The following PTPRJ variants were observed in gnomAD, a reference collection of about 807,000 sequenced individuals.
PTPRJ encodes the protein receptor-type tyrosine-protein phosphatase eta.
A neutral mutation model predicts 141.3 loss-of-function variants in PTPRJ; 129 were observed. The ratio of observed to expected loss-of-function variants is 0.91; its 90% CI spans 0.79 to 1.06. The LOEUF is 1.06. PTPRJ is among the 50% of genes least tolerant of loss of function. The pLI is 0.00. For missense variants in PTPRJ, 1,601 were observed against 1,679.7 expected (o/e 0.95, Z 0.82); for synonymous variants, 610 against 640.5 (o/e 0.95, Z 0.72).
Position 48,112,889 on chromosome 11 carries a change from TG to T in PTPRJ, c.260del (p.Gly87ValfsTer10). The T allele has an allele frequency of 6.2e-7, 1 of 1,614,138 alleles. No homozygotes were observed. Among genetic ancestry groups the T allele is most frequent in the Non-Finnish European group, 8.5e-7 (1 of 1,180,016 alleles). ...PQVETNTSED[G>X]ESSGANDSLR... ...AGGTGGAAACAAACACCAGTGAGGA[TG>T]GTGAAAGCTCTGGAGCCAACGATAG... On this transcript the variant is annotated frameshift_variant, in exon 3 of 25. Transcript: ENST00000418331. LOFTEE classifies it high-confidence loss of function.
intron 1 of PTPRJ, among the ~76,000 whole-genome samples, chr11:48,097,569 A>C (rs1856042541): frequency 6.6e-6 from 1 of 150,832 alleles, no homozygotes; most frequent in South Asian, 2.1e-4. Context: ...ATGGAGTCTC[A>C]CTTTGTTGCA....
At chr11:48,063,324 T>C (rs1165758468) in intron 1 of PTPRJ, among the ~76,000 whole-genome samples, 1 of 152,090 alleles carries the variant, frequency 6.6e-6, no homozygotes, top group African/African-American at 2.4e-5. Context: ...CAAGACTCCA[T>C]CTCAAAAACA....
chr11:48,168,570 A>C lies in PTPRJ; in HGVS notation c.*1208A>C. On this transcript the variant is annotated 3_prime_UTR_variant, in exon 25 of 25. Transcript: ENST00000418331. ...TATATATATATATATATATATATAT[A>C]TATATATATATACACTAAGCTCTCA... The C allele has an allele frequency of 7.8e-6, 1 of 128,900 alleles. No individual in the cohort carries two copies. The highest frequency in any genetic ancestry group is 2.9e-5 in the African/African-American group (1 of 34,380). The allele number at this position is 128,900 out of a possible 1,614,324, so 8.0% of individuals were successfully genotyped here. A position where few individuals can be genotyped will look rare whatever the true frequency, so the allele number is the denominator to read the frequency against.
At chr11:47,989,170 A>G (rs1590384649) in intron 1 of PTPRJ, among the ~76,000 whole-genome samples, 1 of 151,480 alleles carries the variant, frequency 6.6e-6, no homozygotes, top group African/African-American at 2.4e-5. Flanking sequence ...GGTGTGAGCC[A>G]CCGCGCCTGG....
At position 48,112,852 on chromosome 11, in the gene PTPRJ, C is replaced by T. The variant is rs1856475496; in HGVS notation, c.221C>T (p.Thr74Ile). ...TAESFHKQNG[T>I]GTPQVETNTS... ...GAATCCTTTCATAAACAGAATGGAACTGGAACACCTCAGGTGGAAACAAAC... is the reference window on the plus strand; with the variant it reads ...GAATCCTTTCATAAACAGAATGGAATTGGAACACCTCAGGTGGAAACAAAC... Residue 74 changes from threonine (T) to isoleucine (I), a missense_variant, in exon 3 of 25, where the codon ACT becomes ATT. By Grantham distance (89) the Thr-to-Ile change is moderately conservative. Coordinates refer to ENST00000418331, the MANE Select transcript of PTPRJ (RefSeq NM_002843.4). 6.2e-7 allele frequency: 1 copy of T among 1,614,042 alleles called. No homozygotes were observed. Among genetic ancestry groups the T allele is most frequent in the African/African-American group, 1.3e-5 (1 of 74,912 alleles).
chr11:48,084,739 C>A (rs191063674), intron 1 of PTPRJ, among the ~76,000 whole-genome samples: 2 of 152,224 alleles, frequency 1.3e-5, no homozygotes, highest in Admixed American at 1.3e-4. Flanking sequence ...CGTAGTGTGA[C>A]CTCTAGTCAG....
At chr11:48,095,199 G>A (rs1000495281) in intron 1 of PTPRJ, among the ~76,000 whole-genome samples, 1 of 152,184 alleles carries the variant, frequency 6.6e-6, no homozygotes, top group Non-Finnish European at 1.5e-5. Flanking sequence ...TGTTGTCTCA[G>A]CAGCGTGCCC....
intron 1 of PTPRJ, among the ~76,000 whole-genome samples, chr11:47,999,699 C>G (rs530564484): frequency 5.3e-5 from 8 of 152,220 alleles, no homozygotes; most frequent in African/African-American, 9.6e-5. Flanking sequence ...TTGAGAACCA[C>G]TGAGACCAAA....
Position 48,158,026 on chromosome 11 carries a change from C to A in PTPRJ, c.3439-1904C>A, listed in dbSNP as rs1857655310. 6.6e-6 allele frequency among the ~76,000 whole-genome samples: 1 copy of A among 152,140 alleles called. No individual in the cohort carries two copies. Among genetic ancestry groups the A allele is most frequent in the African/African-American group, 2.4e-5 (1 of 41,438 alleles). On this transcript the variant is annotated intron_variant, in intron 21 of 24. Transcript: ENST00000418331. This position sits in a 1 kb window ranked among gnomAD's most constrained non-coding sequence, Gnocchi z 4.4. ...AATTAGCCAGGCGTGGTGGTGCATG[C>A]CTGTAATCCCAGCTACTTGGGAGGC...
chr11:48,152,221 G>A (rs1379528181), intron 18 of PTPRJ, among the ~76,000 whole-genome samples: 6 of 152,098 alleles, frequency 3.9e-5, no homozygotes, highest in Non-Finnish European at 5.9e-5. Flanking sequence ...TTTTTCATGT[G>A]TCTTTTGGCT....
chr11:48,141,880 T>A (rs965489130), intron 11 of PTPRJ, among the ~76,000 whole-genome samples: 1 of 152,218 alleles, frequency 6.6e-6, no homozygotes, highest in African/African-American at 2.4e-5. Context: ...GCTGTGCTTT[T>A]TGTGTGGTAT....
chr11:48,051,329 A>C (rs1409605382), intron 1 of PTPRJ, among the ~76,000 whole-genome samples: 1 of 152,104 alleles, frequency 6.6e-6, no homozygotes, highest in East Asian at 1.9e-4. Flanking sequence ...TCCTGGGCCC[A>C]AGTGATCTGC....
At chr11:48,071,395 C>T (rs1855245886) in intron 1 of PTPRJ, among the ~76,000 whole-genome samples, 1 of 151,898 alleles carries the variant, frequency 6.6e-6, no homozygotes, top group Non-Finnish European at 1.5e-5. Flanking sequence ...TGGCTCACTG[C>T]ACCCTCCGCC....
intron 1 of PTPRJ, among the ~76,000 whole-genome samples, chr11:48,095,678 C>T (rs1044784718): frequency 6.6e-6 from 1 of 150,812 alleles, no homozygotes; most frequent in Non-Finnish European, 1.5e-5. Flanking sequence ...CTCCCAGGTT[C>T]AAGTGATTTC....
intron 16 of PTPRJ, chr11:48,149,726 T>TA (rs1308544726): frequency 7.4e-6 from 4 of 538,512 alleles, no homozygotes; most frequent in East Asian, 3.2e-5. Flanking sequence ...ATTTCTTGAT[T>TA]AAAAAAACGT....
rs550663320 is a variant in PTPRJ at position 48,022,801 on chromosome 11, C to T, written c.96+41793C>T. 9.9e-5 allele frequency among the ~76,000 whole-genome samples: 15 copies of T among 152,128 alleles called. No individual in the cohort carries two copies. In the South Asian group the frequency reaches 2.1e-3, roughly 21 times the overall value. ...TTGTGGGAAGAAAGGGTTCTCTTGC[C>T]GGTGTGTGTGTTTCTGATAAACAAA... On this transcript the variant is annotated intron_variant, in intron 1 of 24. Coordinates refer to ENST00000418331, the MANE Select transcript of PTPRJ (RefSeq NM_002843.4).
At chr11:48,000,982 A>ATTTTT (rs1002159076) in intron 1 of PTPRJ, among the ~76,000 whole-genome samples, 4 of 122,864 alleles carry the variant, frequency 3.3e-5, no homozygotes, top group South Asian at 2.6e-4. Flanking sequence ...GTCCCATATA[A>ATTTTT]TTTTTTTTTT....
In PTPRJ at chr11:48,132,815, C is replaced by T. The variant is rs556817862; in HGVS notation, c.1615+2099C>T. On this transcript the variant is annotated intron_variant, in intron 8 of 24. Coordinates refer to ENST00000418331, the MANE Select transcript of PTPRJ (RefSeq NM_002843.4). Reference sequence around the variant, plus strand: ...CAACTGTGCTGGTTGGGTTAAGCACCGATAGTCACTCAGAGGATCTGCTTC... The same window carrying T: ...CAACTGTGCTGGTTGGGTTAAGCACTGATAGTCACTCAGAGGATCTGCTTC... 132 of 724,962 alleles carry T rather than the reference C, an allele frequency of 1.8e-4. 2 individuals carry two copies. In the South Asian group the frequency reaches 7.0e-3, roughly 38 times the overall value. The allele number at this position is 724,962 out of a possible 1,614,324, so 44.9% of individuals were successfully genotyped here.
intron 1 of PTPRJ, among the ~76,000 whole-genome samples, chr11:47,996,334 CAAA>C (rs1292092161): frequency 2.7e-4 from 15 of 56,202 alleles, no homozygotes; most frequent in Non-Finnish European, 4.7e-4. Context: ...GACTCTGTCT[CAAA>C]AAAAAAAAAA....
Sources: gnomAD v4.1 joint callset for allele counts (sites outside exome capture counted in the v4.1 genomes callset) on GRCh38, gnomAD v4.1.1 for gene constraint, Gnocchi (gnomAD v3.1) non-coding constraint, MANE v1.5 for transcripts, NCBI Gene and HGNC (gene_info 2026-07-23, HGNC 2026-07-21) for gene names.